Variants in GABRB2 observed in about 807,000 individuals in gnomAD.
The protein encoded by GABRB2 is gamma-aminobutyric acid type A receptor subunit beta2.
In GABRB2, 16 loss-of-function variants were observed where a neutral mutation model predicts 54.7. The observed-to-expected ratio is 0.29, with a 90% CI of 0.20 to 0.44. The LOEUF is 0.44. GABRB2 is among the 20% of genes least tolerant of loss of function. GABRB2 has a pLI of 1.00. For synonymous variants in GABRB2, 244 were observed against 233.8 expected, an observed-to-expected ratio of 1.04 and a Z score of -0.40; for missense variants, 355 against 644.0, an observed-to-expected ratio of 0.55 and a Z score of 4.86.
chr5:161,374,438 C>T (rs1260740539), intron 5 of GABRB2, among the ~76,000 whole-genome samples: 1 of 152,180 alleles, frequency 6.6e-6, no homozygotes, highest in Admixed American at 6.5e-5. Flanking sequence ...CTCCTCAGTT[C>T]TCTCAAGCTG....
intron 5 of GABRB2, among the ~76,000 whole-genome samples, chr5:161,402,848 G>A (rs181754718): frequency 5.6e-4 from 85 of 152,242 alleles, no homozygotes; most frequent in African/African-American, 1.9e-3. Context: ...TGAGAATCAC[G>A]CTCCAGAACA....
chr5:161,435,798 G>T (rs987767854), intron 4 of GABRB2, among the ~76,000 whole-genome samples: 13 of 152,134 alleles, frequency 8.5e-5, no homozygotes, highest in Admixed American at 2.6e-4. Context: ...AGATATAGTA[G>T]ACGTGGAACA....
At chr5:161,511,559 A>G (rs1243946428) in intron 3 of GABRB2, among the ~76,000 whole-genome samples, 2 of 152,038 alleles carry the variant, frequency 1.3e-5, no homozygotes, top group African/African-American at 2.4e-5. Flanking sequence ...TCTTGTTTTC[A>G]TAATTAATGG....
At chr5:161,326,631 G>A in intron 8 of GABRB2, 150 bp from the exon 9 acceptor site, 1 of 1,034,296 alleles carries the variant, frequency 9.7e-7, no homozygotes, top group African/African-American at 1.6e-5. Context: ...ATTTGAGTAA[G>A]TTTTTAAAAA....
At chr5:161,516,072 T>C (rs1328150395) in intron 3 of GABRB2, among the ~76,000 whole-genome samples, 1 of 152,336 alleles carries the variant, frequency 6.6e-6, no homozygotes, top group South Asian at 2.1e-4. Context: ...CACTCTGACA[T>C]TTACTACATA....
intron 5 of GABRB2, among the ~76,000 whole-genome samples, chr5:161,389,654 G>T (rs371805554): frequency 6.6e-6 from 1 of 150,996 alleles, no homozygotes; most frequent in Admixed American, 6.6e-5. Flanking sequence ...AGAAAATGAG[G>T]GATTAAGGAA....
intron 9 of GABRB2, among the ~76,000 whole-genome samples, chr5:161,313,573 C>T (rs1428021589): frequency 1.3e-5 from 2 of 151,534 alleles, no homozygotes; most frequent in Non-Finnish European, 2.9e-5. Context: ...GCCAATGCTA[C>T]TGAATTTAGA....
At chr5:161,450,748 T>C (rs1757767165) in intron 4 of GABRB2, among the ~76,000 whole-genome samples, 1 of 152,196 alleles carries the variant, frequency 6.6e-6, no homozygotes, top group Admixed American at 6.6e-5. Flanking sequence ...CAGAAATTAA[T>C]TCTAAATATA....
chr5:161,348,028 T>C (rs942354415), intron 5 of GABRB2, among the ~76,000 whole-genome samples: 5 of 152,124 alleles, frequency 3.3e-5, no homozygotes, highest in Non-Finnish European at 7.4e-5. Context: ...CCCGCCCTGC[T>C]ATACATGGGC....
intron 3 of GABRB2, among the ~76,000 whole-genome samples, chr5:161,500,409 G>A (rs1051811160): frequency 3.9e-5 from 6 of 152,040 alleles, no homozygotes; most frequent in Non-Finnish European, 7.4e-5. Context: ...CCTTCCTTAG[G>A]GTTCTGGTAA....
At chr5:161,361,591 GA>G (rs1257815898) in intron 5 of GABRB2, among the ~76,000 whole-genome samples, 1 of 152,052 alleles carries the variant, frequency 6.6e-6, no homozygotes, top group East Asian at 1.9e-4. Flanking sequence ...AAGAAATAAG[GA>G]AAAAAGACAA....
At chr5:161,369,494 C>T (rs1004363984) in intron 5 of GABRB2, among the ~76,000 whole-genome samples, 20 of 148,110 alleles carry the variant, frequency 1.4e-4, no homozygotes, top group African/African-American at 4.0e-4. Context: ...TTAGAAAGAA[C>T]GAATGCTTTC....
At chr5:161,505,786 G>A (rs531308466) in intron 3 of GABRB2, among the ~76,000 whole-genome samples, 1 of 151,844 alleles carries the variant, frequency 6.6e-6, no homozygotes, top group African/African-American at 2.4e-5. Context: ...TAAATAGGAT[G>A]GAATTTTCTT....
At chr5:161,494,937 T>C (rs1407511153) in intron 3 of GABRB2, among the ~76,000 whole-genome samples, 1 of 151,926 alleles carries the variant, frequency 6.6e-6, no homozygotes, top group Non-Finnish European at 1.5e-5. Flanking sequence ...TATAAGCCTA[T>C]ATAAAGTATT....
chr5:161,310,927 A>T (rs1424528197), intron 9 of GABRB2, among the ~76,000 whole-genome samples: 2 of 151,806 alleles, frequency 1.3e-5, no homozygotes, highest in Non-Finnish European at 2.9e-5. Context: ...CGCCCGGCTA[A>T]TTTTTTGTAT....
At chr5:161,530,120 A>T (rs1370691219) in intron 3 of GABRB2, among the ~76,000 whole-genome samples, 2 of 152,032 alleles carry the variant, frequency 1.3e-5, no homozygotes, top group African/African-American at 4.8e-5. Flanking sequence ...TTTTAGTCTC[A>T]CCTCGAGTGC....
At chr5:161,428,995 T>C (rs1757090965) in intron 4 of GABRB2, among the ~76,000 whole-genome samples, 1 of 151,904 alleles carries the variant, frequency 6.6e-6, no homozygotes, top group Admixed American at 6.6e-5. Context: ...ATATTTATTT[T>C]TATTTATGTT....
At chr5:161,365,794 T>C (rs997236720) in intron 5 of GABRB2, among the ~76,000 whole-genome samples, 3 of 152,166 alleles carry the variant, frequency 2.0e-5, no homozygotes, top group Non-Finnish European at 4.4e-5. Flanking sequence ...GACTGCCTCA[T>C]TCAAGTAAGA....
intron 5 of GABRB2, among the ~76,000 whole-genome samples, chr5:161,341,651 T>C (rs1754159510): frequency 6.6e-6 from 1 of 151,698 alleles, no homozygotes; most frequent in Non-Finnish European, 1.5e-5. Context: ...GAAAAACATG[T>C]ATTATATGTG....
Sources: gnomAD v4.1 joint callset for allele counts (sites outside exome capture counted in the v4.1 genomes callset) on GRCh38, gnomAD v4.1.1 for gene constraint, MANE v1.5 for transcripts, NCBI Gene and HGNC (gene_info 2026-07-23, HGNC 2026-07-21) for gene names.